Variants in COMMD6 observed in about 807,000 individuals in gnomAD.
The protein encoded by COMMD6 is COMM domain-containing protein 6.
A neutral mutation model predicts 13.4 loss-of-function variants in COMMD6; 11 were observed. The ratio of observed to expected loss-of-function variants is 0.82; its 90% confidence interval spans 0.52 to 1.36. COMMD6 has a LOEUF of 1.36. Among genes scored for constraint, COMMD6 ranks in the 40% most tolerant of loss-of-function variants. The pLI is 0.00. For missense variants in COMMD6, 124 were observed against 102.4 expected (o/e 1.21, Z -0.91); for synonymous variants, 43 against 36.5 (o/e 1.18, Z -0.64).
upstream of COMMD6, chr13:75,537,925 A>T: frequency 3.0e-6 from 3 of 1,003,030 alleles, no homozygotes; most frequent in East Asian, 2.4e-5. Context: ...GGGAAGCTGA[A>T]AAAAGCATCT....
chr13:75,530,329 T>C, intron 2 of COMMD6, 63 bp from the exon 3 acceptor site: 1 of 1,395,270 alleles, frequency 7.2e-7, no homozygotes, highest in South Asian at 1.3e-5. Context: ...CAGATATTTA[T>C]TCAATTTTAC....
chr13:75,529,668 G>A (rs1276223345), intron 3 of COMMD6: 1 of 153,080 alleles, frequency 6.5e-6, no homozygotes, highest in African/African-American at 2.4e-5. Flanking sequence ...GTCCCTAGCT[G>A]ATAAAGCCAG....
upstream of COMMD6, among the ~76,000 whole-genome samples, chr13:75,539,699 T>C (rs900861967): frequency 1.3e-5 from 2 of 152,148 alleles, no homozygotes; most frequent in African/African-American, 4.8e-5. Flanking sequence ...CTCATAGGGT[T>C]GTTGGAGAAT....
intron 1 of COMMD6, among the ~76,000 whole-genome samples, chr13:75,544,823 G>C (rs150486267): frequency 9.2e-5 from 14 of 151,392 alleles, no homozygotes; most frequent in Non-Finnish European, 1.6e-4. Flanking sequence ...CTGTTTGGGA[G>C]GCTGAGGCAC....
chr13:75,528,582 C>T lies in COMMD6; in HGVS notation c.207+1532G>A, dbSNP rs139534188. Among the ~76,000 whole-genome samples, 167 of 152,136 alleles carry T rather than the reference C, an allele frequency of 1.1e-3. 2 individuals carry two copies. Among genetic ancestry groups the T allele is most frequent in the African/African-American group, 3.7e-3 (154 of 41,506 alleles). ...CAGCACTTTGGGAGGCTAAAGTGGACGGATCAACTGAGGTCAGGAGTTTCA... is the reference window on the plus strand; with the variant it reads ...CAGCACTTTGGGAGGCTAAAGTGGATGGATCAACTGAGGTCAGGAGTTTCA... On this transcript the variant is annotated intron_variant, in intron 3 of 3. Coordinates refer to ENST00000682242, the MANE Select transcript of COMMD6 (RefSeq NM_203495.4).
chr13:75,540,162 G>A (rs1298410291), upstream of COMMD6, among the ~76,000 whole-genome samples: 1 of 151,790 alleles, frequency 6.6e-6, no homozygotes, highest in East Asian at 1.9e-4. Flanking sequence ...GTAGAGATGG[G>A]GTTTCAACGT....
chr13:75,537,699 T>G, intron 1 of COMMD6, 24 bp from the exon 2 acceptor site: 1 of 1,613,980 alleles, frequency 6.2e-7, no homozygotes, highest in Non-Finnish European at 8.5e-7. Flanking sequence ...AGAAACACAA[T>G]TTAGAGAAAC....
intron 3 of COMMD6, among the ~76,000 whole-genome samples, chr13:75,528,555 T>G (rs769230863): frequency 1.4e-4 from 21 of 152,114 alleles, no homozygotes; most frequent in Non-Finnish European, 2.4e-4. Context: ...CGCCTGTAAT[T>G]CCAGCACTTT....
intron 1 of COMMD6, among the ~76,000 whole-genome samples, chr13:75,545,469 TTC>T (rs1173212844): frequency 1.3e-5 from 2 of 152,126 alleles, no homozygotes; most frequent in Non-Finnish European, 1.5e-5. Context: ...CTTTTTCTTT[TTC>T]TCTTTTTTTT....
intron 2 of COMMD6, among the ~76,000 whole-genome samples, chr13:75,536,424 T>C (rs1165216676): frequency 6.6e-6 from 1 of 152,208 alleles, no homozygotes; most frequent in African/African-American, 2.4e-5. Flanking sequence ...TCAAAATCTA[T>C]GAATATGTTA....
upstream of COMMD6, among the ~76,000 whole-genome samples, chr13:75,538,348 T>G (rs2138426220): frequency 6.6e-6 from 1 of 152,338 alleles, no homozygotes; most frequent in Non-Finnish European, 1.5e-5. Context: ...CGGAATACCT[T>G]CCCATCTTGT....
chr13:75,542,828 G>A (rs1278959369), upstream of COMMD6, among the ~76,000 whole-genome samples: 5 of 152,164 alleles, frequency 3.3e-5, no homozygotes, highest in Admixed American at 3.3e-4. Context: ...GAGAGACTCA[G>A]CCAGCCTTTG....
At chr13:75,535,813 A>G (rs1170958482) in intron 2 of COMMD6, among the ~76,000 whole-genome samples, 2 of 152,332 alleles carry the variant, frequency 1.3e-5, no homozygotes, top group African/African-American at 4.8e-5. Context: ...TCACAAAGTA[A>G]AAGTCTACCG....
chr13:75,527,883 G>A, intron 3 of COMMD6: 1 of 1,488,266 alleles, frequency 6.7e-7, no homozygotes, highest in South Asian at 1.4e-5. Flanking sequence ...TTAGTAAAAA[G>A]GTACAAACTT....
chr13:75,538,146 G>C (rs1489907752), upstream of COMMD6, among the ~76,000 whole-genome samples: 3 of 152,206 alleles, frequency 2.0e-5, no homozygotes, highest in Non-Finnish European at 1.5e-5. Flanking sequence ...CCCGCTGCGC[G>C]GCTCCTCAAT....
intron 1 of COMMD6, among the ~76,000 whole-genome samples, chr13:75,544,715 A>T (rs2030876380): frequency 6.6e-6 from 1 of 152,138 alleles, no homozygotes. Context: ...GTGAGCAGAG[A>T]TCGCGCTACT....
intron 1 of COMMD6, among the ~76,000 whole-genome samples, chr13:75,548,022 C>T (rs1593964634): frequency 6.6e-6 from 1 of 152,234 alleles, no homozygotes; most frequent in East Asian, 1.9e-4. Context: ...TGTGTCTCAG[C>T]AGATCCAATG....
chr13:75,541,412 C>T (rs1438186629), upstream of COMMD6, among the ~76,000 whole-genome samples: 1 of 151,928 alleles, frequency 6.6e-6, no homozygotes, highest in Non-Finnish European at 1.5e-5. Context: ...CTTCTCCATA[C>T]ATTGTTGGAG....
intron 2 of COMMD6, among the ~76,000 whole-genome samples, chr13:75,534,070 A>C (rs2030582355): frequency 6.6e-6 from 1 of 152,052 alleles, no homozygotes; most frequent in Non-Finnish European, 1.5e-5. Context: ...CCTGGGCTCA[A>C]GCGATTCTTC....
Sources: allele counts gnomAD v4.1 joint callset (sites outside exome capture counted in the v4.1 genomes callset), GRCh38; gene constraint gnomAD v4.1.1; transcripts MANE v1.5; gene names NCBI Gene and HGNC (gene_info 2026-07-23, HGNC 2026-07-21).